The following ZNF710 variants were observed in gnomAD, a reference collection of about 807,000 sequenced individuals.
ZNF710 encodes the protein zinc finger protein 710.
Under a neutral mutation model 50.6 loss-of-function variants are expected in ZNF710, and 13 were observed. The ratio of observed to expected loss-of-function variants is 0.26; its 90% CI spans 0.17 to 0.41. ZNF710 has a LOEUF of 0.41. Ranked by LOEUF, ZNF710 falls within the 10% of genes least tolerant of loss-of-function variation. The pLI is 1.00. For synonymous variants in ZNF710, 383 were observed against 397.0 expected (o/e 0.96, Z 0.42); for missense variants, 721 against 936.6 (o/e 0.77, Z 3.01).
rs889297623 is a variant in ZNF710, at chr15:90,062,106, C to A, written c.-28-5004C>A. 6.6e-6 allele frequency among the ~76,000 whole-genome samples: 1 copy of A among 151,676 alleles called. No individual in the cohort carries two copies. The highest frequency in any genetic ancestry group is 2.4e-5 in the African/African-American group (1 of 41,256). ...TCCGGTGTCACTGCACGCCCCTCCCCCTCCCGCCTTTGTTTCTTGGCCTCC... is the reference window on the plus strand; with the variant it reads ...TCCGGTGTCACTGCACGCCCCTCCCACTCCCGCCTTTGTTTCTTGGCCTCC... On this transcript the variant is annotated intron_variant, in intron 1 of 4. Coordinates refer to ENST00000268154, the MANE Select transcript of ZNF710 (RefSeq NM_198526.4). The surrounding 1 kb of genome is among the most constrained non-coding windows in gnomAD (Gnocchi z 5.6).
intron 1 of ZNF710, among the ~76,000 whole-genome samples, chr15:90,051,033 G>A (rs36048450): frequency 0.2 from 30,643 of 151,834 alleles, 3,722 homozygotes; most frequent in East Asian, 0.61. Context: ...GAGGTCAGGA[G>A]TTGGAGACCA....
chr15:90,043,409 A>G (rs981596719), intron 1 of ZNF710, among the ~76,000 whole-genome samples: 1 of 152,258 alleles, frequency 6.6e-6, no homozygotes, highest in Non-Finnish European at 1.5e-5. Context: ...CCAGGCGGCC[A>G]GGGCAGGGAG....
intron 1 of ZNF710, among the ~76,000 whole-genome samples, chr15:90,058,722 C>CTGTATGT (rs1899910730): frequency 7.1e-6 from 1 of 140,354 alleles, no homozygotes; most frequent in African/African-American, 3.1e-5. Flanking sequence ...TATATATACA[C>CTGTATGT]ACATATACAC....
intron 1 of ZNF710, among the ~76,000 whole-genome samples, chr15:90,041,485 C>G (rs542231006): frequency 6.6e-6 from 1 of 152,264 alleles, no homozygotes; most frequent in Admixed American, 6.5e-5. Flanking sequence ...AGCCACTGGG[C>G]CTGGCCACCA....
At chr15:90,004,792 C>A (rs905453330) in intron 1 of ZNF710, among the ~76,000 whole-genome samples, 1 of 152,320 alleles carries the variant, frequency 6.6e-6, no homozygotes, top group East Asian at 1.9e-4. Context: ...AGCATGAAAC[C>A]GTGCGCTCAC....
chr15:90,008,200 A>G (rs1280049347), intron 1 of ZNF710, among the ~76,000 whole-genome samples: 2 of 151,706 alleles, frequency 1.3e-5, no homozygotes, highest in African/African-American at 4.9e-5. Flanking sequence ...TTACCTACTA[A>G]TTAATGTGTA....
chr15:90,030,341 A>G (rs1421848721), intron 1 of ZNF710, among the ~76,000 whole-genome samples: 2 of 150,442 alleles, frequency 1.3e-5, no homozygotes, highest in East Asian at 3.9e-4. Flanking sequence ...AAAAAAAAAA[A>G]AAAAAAAAAA....
chr15:90,075,691 GTGAATGGC>G (rs1301672626), intron 4 of ZNF710: 5 of 152,256 alleles, frequency 3.3e-5, no homozygotes, highest in Non-Finnish European at 7.3e-5. Flanking sequence ...CAGCTGACCA[GTGAATGGC>G]CTGGGTTTTC....
rs147841446 is a variant in ZNF710, at chr15:90,051,903, T to C, written c.-28-15207T>C. Among the ~76,000 whole-genome samples, 168 of 151,984 alleles carry C rather than the reference T, an allele frequency of 1.1e-3. 1 individual carries two copies. The highest frequency in any genetic ancestry group is 3.5e-3 in the East Asian group (18 of 5,150). ...ACAAGGAAACCAAATCCCAGGGAGG[T>C]TGAGACACTTGCCTGAGGGTGTACA... is the stretch of plus-strand genomic sequence containing the variant. On this transcript the variant is annotated intron_variant, in intron 1 of 4. Transcript: ENST00000268154.
At chr15:90,022,180 A>G (rs1356389019) in intron 1 of ZNF710, among the ~76,000 whole-genome samples, 1 of 152,024 alleles carries the variant, frequency 6.6e-6, no homozygotes, top group African/African-American at 2.4e-5. Context: ...GTTCAAGACC[A>G]GCCTGACCAA....
intron 1 of ZNF710, among the ~76,000 whole-genome samples, chr15:90,031,873 T>G (rs979378139): frequency 6.6e-6 from 1 of 152,220 alleles, no homozygotes; most frequent in Non-Finnish European, 1.5e-5. Flanking sequence ...AGCTATGAAC[T>G]GTTACAGTGG....
rs1900052377 is a variant in ZNF710 at position 90,062,860 on chromosome 15, C to A, written c.-28-4250C>A. 6.6e-6 allele frequency among the ~76,000 whole-genome samples: 1 copy of A among 152,190 alleles called. No homozygotes were observed. Among genetic ancestry groups the A allele is most frequent in the South Asian group, 2.1e-4 (1 of 4,832 alleles). On this transcript the variant is annotated intron_variant, in intron 1 of 4. Coordinates refer to ENST00000268154, the MANE Select transcript of ZNF710 (RefSeq NM_198526.4). This position sits in a 1 kb window ranked among gnomAD's most constrained non-coding sequence, Gnocchi z 5.6. ...CGCGCGCACGCGCACACACACACAG[C>A]CTGCCTGGCCGCCCCAGTGAACAAG...
chr15:90,079,911 A>C lies in ZNF710; in HGVS notation c.*82A>C. 7.4e-7 allele frequency: 1 copy of C among 1,354,482 alleles called. No individual in the cohort carries two copies. Among genetic ancestry groups the C allele is most frequent in the East Asian group, 2.6e-5 (1 of 38,604 alleles). The allele number at this position is 1,354,482 out of a possible 1,614,324, so 83.9% of individuals were successfully genotyped here. ...ATGGGCTGCAGGCTGCACCTCCTGCAGCCGAGAAACAAGCTACTGCCCCAC... is the reference window on the plus strand; with the variant it reads ...ATGGGCTGCAGGCTGCACCTCCTGCCGCCGAGAAACAAGCTACTGCCCCAC... On this transcript the variant is annotated 3_prime_UTR_variant, in exon 5 of 5. Coordinates refer to ENST00000268154, the MANE Select transcript of ZNF710 (RefSeq NM_198526.4).
At chr15:90,019,187 C>CTTTT (rs11285838) in intron 1 of ZNF710, among the ~76,000 whole-genome samples, 1,368 of 88,752 alleles carry the variant, frequency 0.015, no homozygotes, top group East Asian at 0.042. Flanking sequence ...CTTTTTCTTT[C>CTTTT]TTTTTTTTTT....
rs755686638 is a variant in ZNF710, at chr15:90,074,193, G to T, written c.1728G>T (p.Lys576Asn). 3 of 1,612,994 alleles carry T rather than the reference G, an allele frequency of 1.9e-6. No individual in the cohort carries two copies. Among genetic ancestry groups the T allele is most frequent in the Non-Finnish European group, 2.5e-6 (3 of 1,179,716 alleles). ...TGCACGCCGGCAGCAAGCCCTTCAA[G>T]TGCCCCTACTGCTCCAGCAAGTTTA... is the stretch of plus-strand genomic sequence containing the variant. ...MHLHAGSKPF[K>N]CPYCSSKFNL... Residue 576 changes from lysine (K) to asparagine (N), a missense_variant, in exon 4 of 5, where the codon AAG becomes AAT. Transcript: ENST00000268154.
chr15:90,016,841 G>C (rs192629233), intron 1 of ZNF710, among the ~76,000 whole-genome samples: 1 of 152,224 alleles, frequency 6.6e-6, no homozygotes, highest in African/African-American at 2.4e-5. Context: ...TCTGCAGCTG[G>C]CTTGTGCCTA....
In ZNF710 at chr15:90,067,224, C is replaced by T. The variant is rs147511121; in HGVS notation, c.87C>T (p.Ser29=). The change falls in exon 2 of 5, where the codon TCC becomes TCT. Residue 29 remains serine, a synonymous_variant. Transcript: ENST00000268154. The surrounding 1 kb of genome is among the most constrained non-coding windows in gnomAD (Gnocchi z 8.1). ...AGGCCGCCGTGCTTGGCCTGGTCTCCGAAAATGAGCTCTTTGGAGCTACCA... is the reference window on the plus strand; with the variant it reads ...AGGCCGCCGTGCTTGGCCTGGTCTCTGAAAATGAGCTCTTTGGAGCTACCA... The part of the protein sequence containing the change: ...LAQAAVLGLV[S]ENELFGATIS... 88 of 1,613,620 alleles carry T rather than the reference C, an allele frequency of 5.5e-5. No homozygotes were observed. Among genetic ancestry groups the T allele is most frequent in the Admixed American group, 1.0e-4 (6 of 59,968 alleles).
At chr15:90,073,038 G>T (rs766280440) in intron 2 of ZNF710, 33 bp from the exon 3 acceptor site, 5 of 1,600,904 alleles carry the variant, frequency 3.1e-6, no homozygotes, top group Non-Finnish European at 4.3e-6. Context: ...TGTGCCCATT[G>T]TGTGGCCCTG....
At chr15:90,002,149 C>T (rs1334999740) in intron 1 of ZNF710, among the ~76,000 whole-genome samples, 1 of 151,504 alleles carries the variant, frequency 6.6e-6, no homozygotes, top group Non-Finnish European at 1.5e-5. Flanking sequence ...AGTTTCACCC[C>T]CTCGCCGCCC....
Sources: gnomAD v4.1 joint callset for allele counts (sites outside exome capture counted in the v4.1 genomes callset) on GRCh38, gnomAD v4.1.1 for gene constraint, Gnocchi (gnomAD v3.1) non-coding constraint, MANE v1.5 for transcripts, NCBI Gene and HGNC (gene_info 2026-07-23, HGNC 2026-07-21) for gene names.